TMEM272: variants seen among roughly 807,000 people sequenced by gnomAD.
TMEM272 encodes the protein transmembrane protein 272.
A neutral mutation model predicts 3.7 loss-of-function variants in TMEM272; 8 were observed. The ratio of observed to expected loss-of-function variants is 2.17; its 90% CI spans 1.27 to 3.91. The LOEUF (loss-of-function observed/expected upper bound fraction) is 3.91. TMEM272 is among the 30% of genes most tolerant of loss of function. The probability of loss-of-function intolerance (pLI) is 0.00; values close to 1 mark genes in which losing one functional copy is unlikely to be tolerated. For synonymous variants in TMEM272, 63 were observed against 39.8 expected, an observed-to-expected ratio of 1.58 and a Z score of -2.20; for missense variants, 166 against 91.5, an observed-to-expected ratio of 1.81 and a Z score of -3.32.
At chr13:51,848,366 A>G (rs182375305), upstream of TMEM272, among the ~76,000 whole-genome samples, 4 of 152,330 alleles carry the variant, frequency 2.6e-5, no homozygotes, top group East Asian at 5.8e-4. Flanking sequence ...TAGAGTCCAC[A>G]TATGGCACCA....
At chr13:51,861,066 C>T in the TMEM272 span, among the ~76,000 whole-genome samples, 2 of 151,796 alleles carry the variant, frequency 1.3e-5, no homozygotes, top group Non-Finnish European at 2.9e-5. Context: ...GAATATTATG[C>T]TAAGTGAAAT....
the TMEM272 span, among the ~76,000 whole-genome samples, chr13:51,901,529 A>G: frequency 6.6e-6 from 1 of 151,658 alleles, no homozygotes; most frequent in Non-Finnish European, 1.5e-5. Flanking sequence ...AAAAATGAAG[A>G]AGAATCCAAC....
chr13:51,822,337 G>A (rs943684835), intron 3 of TMEM272, among the ~76,000 whole-genome samples, 200 bp from the exon 4 acceptor site: 4 of 152,136 alleles, frequency 2.6e-5, no homozygotes, highest in African/African-American at 7.2e-5. Context: ...CTCTCACAGC[G>A]GAGTGGCGAT....
chr13:51,842,894 G>C (rs7327746), intron 1 of TMEM272, among the ~76,000 whole-genome samples: 1 of 152,132 alleles, frequency 6.6e-6, no homozygotes, highest in Non-Finnish European at 1.5e-5. Flanking sequence ...TCCATGAAAA[G>C]TGCTTTGTTT....
chr13:51,844,406 T>C (rs962070196), intron 1 of TMEM272, among the ~76,000 whole-genome samples: 7 of 152,202 alleles, frequency 4.6e-5, no homozygotes, highest in Admixed American at 2.6e-4. Context: ...TGTTAACTAG[T>C]ATTGTTGAAT....
the TMEM272 span, among the ~76,000 whole-genome samples, chr13:51,879,002 G>A: frequency 6.6e-6 from 1 of 152,166 alleles, no homozygotes; most frequent in Admixed American, 6.5e-5. Context: ...TCCCTTAGGA[G>A]ATACTGTGCA....
At chr13:51,848,411 G>A (rs115626225), upstream of TMEM272, among the ~76,000 whole-genome samples, 539 of 152,276 alleles carry the variant, frequency 3.5e-3, 3 homozygotes, top group African/African-American at 0.013. Flanking sequence ...GGGCACATTA[G>A]GGGAGATGAT....
the TMEM272 span, among the ~76,000 whole-genome samples, chr13:51,914,993 T>C: frequency 1.9e-4 from 29 of 152,210 alleles, no homozygotes; most frequent in African/African-American, 7.0e-4. Flanking sequence ...AAGAAGGATA[T>C]AAAATTACAA....
chr13:51,886,368 A>C, the TMEM272 span, among the ~76,000 whole-genome samples: 4 of 152,244 alleles, frequency 2.6e-5, no homozygotes, highest in African/African-American at 9.6e-5. Flanking sequence ...GCAATCTTCT[A>C]AATGCCACAC....
At chr13:51,842,228 G>A (rs572275915) in intron 1 of TMEM272, among the ~76,000 whole-genome samples, 4 of 152,334 alleles carry the variant, frequency 2.6e-5, no homozygotes, top group East Asian at 3.9e-4. Context: ...GCAGGCAGGC[G>A]TGGGTAGTAT....
chr13:51,861,646 C>T, the TMEM272 span, among the ~76,000 whole-genome samples: 1 of 151,690 alleles, frequency 6.6e-6, no homozygotes, highest in African/African-American at 2.4e-5. Flanking sequence ...TAATATGAGC[C>T]CTAGAAGGAG....
chr13:51,891,464 A>G, the TMEM272 span, among the ~76,000 whole-genome samples: 9 of 152,200 alleles, frequency 5.9e-5, no homozygotes, highest in Non-Finnish European at 1.5e-5. Context: ...CAGATTTGCT[A>G]AGGAGTTTAC....
the TMEM272 span, chr13:51,865,295 G>C: frequency 4.3e-5 from 49 of 1,130,218 alleles, no homozygotes; most frequent in Non-Finnish European, 6.0e-5. Flanking sequence ...CCTGGCATGT[G>C]ATACTCATAG....
chr13:51,815,554 C>T lies in TMEM272; in HGVS notation c.*1197G>A, dbSNP rs1285071984. 6.6e-6 allele frequency: 1 copy of T among 152,344 alleles called. No homozygotes were observed. Among genetic ancestry groups the T allele is most frequent in the Non-Finnish European group, 1.5e-5 (1 of 68,060 alleles). 9.4% of individuals were successfully genotyped at this position (152,344 alleles called of 1,614,324 possible). Reference sequence around the variant, plus strand: ...TAACAAAGTTAAAAAATAAACACAGCTCAGCAGTGTGTAAATATACAGAAA... The same window carrying T: ...TAACAAAGTTAAAAAATAAACACAGTTCAGCAGTGTGTAAATATACAGAAA... On this transcript the variant is annotated 3_prime_UTR_variant, in exon 5 of 5. Transcript: ENST00000629372.
At chr13:51,889,632 GTGT>G in the TMEM272 span, among the ~76,000 whole-genome samples, 2 of 149,732 alleles carry the variant, frequency 1.3e-5, no homozygotes, top group Non-Finnish European at 3.0e-5. Context: ...TTTTGTGTGT[GTGT>G]GGGGGGGTTT....
chr13:51,838,468 C>G lies in TMEM272; in HGVS notation c.58+5G>C, dbSNP rs1252962817. The G allele has an allele frequency of 1.4e-6, 1 of 703,068 alleles. No individual in the cohort carries two copies. The highest frequency in any genetic ancestry group is 2.6e-6 in the Non-Finnish European group (1 of 385,028). The allele number at this position is 703,068 out of a possible 1,614,324, so 43.6% of individuals were successfully genotyped here. A position where few individuals can be genotyped will look rare whatever the true frequency, so the allele number is the denominator to read the frequency against. On this transcript the variant is annotated splice_donor_5th_base_variant and intron_variant, in intron 2 of 4. Coordinates refer to ENST00000629372, the MANE Select transcript of TMEM272 (RefSeq NM_001351003.2). ...ACCAGGGCATTTCTCAGAGTTGTGA[C>G]TCACCATTGCTGGCGATTTTAGAAA...
the TMEM272 span, among the ~76,000 whole-genome samples, chr13:51,899,321 G>A: frequency 8.7e-5 from 13 of 148,750 alleles, no homozygotes; most frequent in East Asian, 2.3e-3. Context: ...TAATCACACT[G>A]TATCCCATAA....
chr13:51,846,233 G>C (rs1428238712), upstream of TMEM272, among the ~76,000 whole-genome samples: 1 of 152,290 alleles, frequency 6.6e-6, no homozygotes, highest in Non-Finnish European at 1.5e-5. Context: ...GCCTGCTAGA[G>C]GAAAGGACAT....
intron 1 of TMEM272, among the ~76,000 whole-genome samples, chr13:51,842,913 C>T (rs182888497): frequency 7.2e-5 from 11 of 152,188 alleles, no homozygotes; most frequent in South Asian, 2.1e-4. Context: ...TTCATGCACA[C>T]GTAGATCTCT....
Sources: gnomAD v4.1 joint callset for allele counts (sites outside exome capture counted in the v4.1 genomes callset) on GRCh38, gnomAD v4.1.1 for gene constraint, MANE v1.5 for transcripts, NCBI Gene and HGNC (gene_info 2026-07-23, HGNC 2026-07-21) for gene names.